The following MKLN1 variants were observed in gnomAD, a reference collection of about 807,000 sequenced individuals.
MKLN1 encodes muskelin 1, also known as muskelin.
Under a neutral mutation model 99.0 loss-of-function variants are expected in MKLN1, and 18 were observed. That is an observed-to-expected ratio of 0.18 (90% confidence interval 0.13 to 0.27). MKLN1 has a LOEUF of 0.27. Ranked by LOEUF, MKLN1 falls within the 10% of genes least tolerant of loss-of-function variation. The pLI is 1.00. For missense variants in MKLN1, 621 were observed against 875.9 expected (o/e 0.71, Z 3.67); for synonymous variants, 288 against 293.2 (o/e 0.98, Z 0.18).
chr7:131,375,754 T>C (rs941107031), intron 2 of MKLN1, among the ~76,000 whole-genome samples: 1 of 151,984 alleles, frequency 6.6e-6, no homozygotes, highest in African/African-American at 2.4e-5. Flanking sequence ...ATTCTGTAAA[T>C]GTTTAAGGAA....
chr7:131,252,754 C>T (rs1797602317), intron 3 of MKLN1, among the ~76,000 whole-genome samples: 1 of 152,086 alleles, frequency 6.6e-6, no homozygotes, highest in South Asian at 2.1e-4. Flanking sequence ...CTCCTGATTC[C>T]TGGTCAAGTG....
chr7:131,419,540 C>T (rs1457756637), intron 8 of MKLN1, among the ~76,000 whole-genome samples: 1 of 152,032 alleles, frequency 6.6e-6, no homozygotes, highest in Non-Finnish European at 1.5e-5. Context: ...TCGTGCCTGG[C>T]CTCATTACAG....
chr7:131,153,211 G>A (rs966419143), intron 2 of MKLN1, among the ~76,000 whole-genome samples: 4 of 151,836 alleles, frequency 2.6e-5, no homozygotes, highest in African/African-American at 9.7e-5. Context: ...ATGTGCCAAT[G>A]GTGTTTGCTT....
intron 3 of MKLN1, among the ~76,000 whole-genome samples, chr7:131,317,114 G>A (rs1462048843): frequency 6.6e-6 from 1 of 152,096 alleles, no homozygotes; most frequent in Non-Finnish European, 1.5e-5. Flanking sequence ...ACACCACTAA[G>A]ATATTCCTTG....
chr7:131,184,996 G>A (rs1328292301), intron 2 of MKLN1, among the ~76,000 whole-genome samples: 2 of 152,192 alleles, frequency 1.3e-5, no homozygotes, highest in Admixed American at 1.3e-4. Context: ...CAACACGGCA[G>A]ACACATGCTG....
At chr7:131,261,573 A>T (rs1227012540) in intron 3 of MKLN1, among the ~76,000 whole-genome samples, 1 of 152,222 alleles carries the variant, frequency 6.6e-6, no homozygotes, top group Non-Finnish European at 1.5e-5. Flanking sequence ...CCCATTGTGG[A>T]AAGCAGTGTG....
At chr7:131,187,727 G>C (rs1269505733) in intron 2 of MKLN1, among the ~76,000 whole-genome samples, 1 of 152,120 alleles carries the variant, frequency 6.6e-6, no homozygotes, top group African/African-American at 2.4e-5. Flanking sequence ...CCAGGATTTC[G>C]AGACCAGAGT....
At chr7:131,386,014 CTTT>C (rs71174945) in intron 2 of MKLN1, among the ~76,000 whole-genome samples, 13 of 132,920 alleles carry the variant, frequency 9.8e-5, no homozygotes, top group African/African-American at 1.4e-4. Context: ...GGTCTTCAGT[CTTT>C]TTTTTTTTTT....
chr7:131,160,607 C>T (rs2116311302), intron 2 of MKLN1, among the ~76,000 whole-genome samples: 1 of 150,290 alleles, frequency 6.7e-6, no homozygotes, highest in East Asian at 1.9e-4. Context: ...CAACCTCTGC[C>T]TCCCAGGCTT....
chr7:131,185,127 CT>C (rs1796430125), intron 2 of MKLN1, among the ~76,000 whole-genome samples: 1 of 152,100 alleles, frequency 6.6e-6, no homozygotes, highest in Non-Finnish European at 1.5e-5. Context: ...AAATGTAAGA[CT>C]GCACCTTGCA....
chr7:131,131,880 G>A (rs968954716), intron 1 of MKLN1, among the ~76,000 whole-genome samples: 1 of 152,184 alleles, frequency 6.6e-6, no homozygotes, highest in African/African-American at 2.4e-5. Context: ...CCTGGTTTCA[G>A]ACTCAGGACC....
chr7:131,438,018 T>C (rs1795724385), intron 10 of MKLN1, 21 bp downstream of exon 10: 3 of 1,558,462 alleles, frequency 1.9e-6, no homozygotes, highest in African/African-American at 2.7e-5. Flanking sequence ...CAGTTAAATA[T>C]ATGATGGAAT....
rs1795738526 is a variant in MKLN1 at position 131,141,882 on chromosome 7, T to G, written c.-418-938T>G. On this transcript the variant is annotated intron_variant, in intron 1 of 7. Transcript: ENST00000416992. ...CTTACGGGGACCTTATTTTTTCTAT[T>G]CACCTTTGTATTCCTAACACCAACA... Among the ~76,000 whole-genome samples the G allele has an allele frequency of 2.6e-5, 4 of 152,184 alleles. No homozygotes were observed. In the South Asian group the frequency reaches 8.3e-4, roughly 31 times the overall value.
chr7:131,443,738 T>A, intron 11 of MKLN1, 36 bp downstream of exon 11: 1 of 1,400,896 alleles, frequency 7.1e-7, no homozygotes, highest in Non-Finnish European at 1.0e-6. Flanking sequence ...AATGTTATTT[T>A]GTCATGTATA....
At position 131,433,055 on chromosome 7, in the gene MKLN1, A is replaced by G. The variant is rs553642386; in HGVS notation, c.960+3910A>G. On this transcript the variant is annotated intron_variant, in intron 9 of 17. Transcript: ENST00000352689. Reference sequence around the variant, plus strand: ...TAGACAATTATCCCAATAATGCCCCAGTAATGTTTTTTATAGGCATCCCTT... The same window carrying G: ...TAGACAATTATCCCAATAATGCCCCGGTAATGTTTTTTATAGGCATCCCTT... Among the ~76,000 whole-genome samples, 7 of 152,314 alleles carry G rather than the reference A, an allele frequency of 4.6e-5. No homozygotes were observed. In the South Asian group the frequency reaches 8.3e-4, roughly 18 times the overall value.
At chr7:131,233,251 G>A (rs1289456324) in intron 3 of MKLN1, among the ~76,000 whole-genome samples, 1 of 152,020 alleles carries the variant, frequency 6.6e-6, no homozygotes, top group Non-Finnish European at 1.5e-5. Flanking sequence ...GTATGTGCCT[G>A]TGGTCCTAGC....
At chr7:131,324,374 C>A (rs745404487), upstream of MKLN1, 2 of 152,206 alleles carry the variant, frequency 1.3e-5, no homozygotes, top group Non-Finnish European at 2.9e-5. Flanking sequence ...ACACCACCAG[C>A]TGGTTGGGGG....
intron 1 of MKLN1, among the ~76,000 whole-genome samples, chr7:131,131,895 C>T (rs1007442282): frequency 6.6e-6 from 1 of 152,158 alleles, no homozygotes; most frequent in Admixed American, 6.6e-5. Context: ...AGGACCACTT[C>T]GCAGTGCAGG....
intron 1 of MKLN1, among the ~76,000 whole-genome samples, chr7:131,141,130 T>C (rs1276539544): frequency 6.6e-6 from 1 of 152,098 alleles, no homozygotes; most frequent in Non-Finnish European, 1.5e-5. Flanking sequence ...TCTTCTCTCT[T>C]TTTCTCTGCT....
Sources: allele counts gnomAD v4.1 joint callset (sites outside exome capture counted in the v4.1 genomes callset), GRCh38; gene constraint gnomAD v4.1.1; transcripts MANE v1.5; gene names NCBI Gene and HGNC (gene_info 2026-07-23, HGNC 2026-07-21).